Variants in STKLD1 observed in about 807,000 individuals in gnomAD.
The protein encoded by STKLD1 is serine/threonine kinase like domain containing 1, also known as serine/threonine kinase-like domain-containing protein STKLD1.
A neutral mutation model predicts 80.4 loss-of-function variants in STKLD1; 79 were observed. That is an observed-to-expected ratio of 0.98 (90% CI 0.82 to 1.19). The LOEUF (loss-of-function observed/expected upper bound fraction) is 1.19. Among genes scored for constraint, STKLD1 ranks in the 50% most tolerant of loss-of-function variants. The pLI is 0.00. For missense variants in STKLD1, 841 were observed against 856.0 expected (o/e 0.98, Z 0.22); for synonymous variants, 393 against 357.6 (o/e 1.10, Z -1.12).
intron 9 of STKLD1, among the ~76,000 whole-genome samples, chr9:133,396,627 T>C (rs914386761): frequency 6.6e-6 from 1 of 150,896 alleles, no homozygotes; most frequent in Non-Finnish European, 1.5e-5. Flanking sequence ...CATGGTGGGG[T>C]GCGCCTGTAG....
rs1838496038 is a variant in STKLD1, at chr9:133,394,185, G to A, written c.584-106G>A. On this transcript the variant is annotated intron_variant, in intron 7 of 17. Transcript: ENST00000371957. The surrounding 1 kb of genome is among the most constrained non-coding windows in gnomAD (Gnocchi z 4.9). ...GCAGGGCTTGTGTTTCAAGCTGCTT[G>A]CGGGGGGCCACCAAAGGGGATACAG... The A allele has an allele frequency of 1.3e-6, 1 of 752,572 alleles. No homozygotes were observed. The highest frequency in any genetic ancestry group is 1.7e-5 in the African/African-American group (1 of 57,948). 46.6% of individuals were successfully genotyped at this position (752,572 alleles called of 1,614,324 possible).
chr9:133,380,441 G>A (rs895140553), intron 2 of STKLD1, among the ~76,000 whole-genome samples: 3 of 152,118 alleles, frequency 2.0e-5, no homozygotes, highest in African/African-American at 7.2e-5. Flanking sequence ...ATCCCTTGAG[G>A]TCAGAAGTTT....
At chr9:133,403,505 C>T (rs1353769493) in intron 14 of STKLD1, among the ~76,000 whole-genome samples, 195 bp from the exon 15 acceptor site, 1 of 152,236 alleles carries the variant, frequency 6.6e-6, no homozygotes, top group South Asian at 2.1e-4. Flanking sequence ...AGAACCCTGC[C>T]AGCACCCAAA....
At position 133,385,733 on chromosome 9, in the gene STKLD1, T is replaced by G. The variant is rs2130275449; in HGVS notation, c.294+42T>G. 2.0e-5 allele frequency: 32 copies of G among 1,588,594 alleles called. No individual in the cohort carries two copies. The highest frequency in any genetic ancestry group is 8.6e-7 in the Non-Finnish European group (1 of 1,158,798). On this transcript the variant is annotated intron_variant, in intron 4 of 17. Coordinates refer to ENST00000371957, the MANE Select transcript of STKLD1 (RefSeq NM_153710.5). The surrounding 1 kb of genome is among the most constrained non-coding windows in gnomAD (Gnocchi z 4.9). ...ACCTACGGGCTCAGCCGCCACGCAG[T>G]GGGCTGCAGGACCAAGCAGACTGAG...
At chr9:133,404,101 G>A (rs1049322536) in intron 16 of STKLD1, 53 bp downstream of exon 16, 3 of 1,503,908 alleles carry the variant, frequency 2.0e-6, no homozygotes, top group Non-Finnish European at 2.7e-6. Flanking sequence ...GCAAGAATCA[G>A]CCCCCATCAG....
In STKLD1 at chr9:133,390,629, C is replaced by T; in HGVS notation, c.468-52C>T. On this transcript the variant is annotated intron_variant, in intron 6 of 17. Transcript: ENST00000371957. This position sits in a 1 kb window ranked among gnomAD's most constrained non-coding sequence, Gnocchi z 5.1. The stretch of plus-strand genomic sequence containing the variant: ...TCCCACCTGGGGTTGTGGGTGGTGG[C>T]TGCCCAGGTGGCCCCTTGGCATCCA... The T allele has an allele frequency of 7.2e-7, 1 of 1,397,046 alleles. No individual in the cohort carries two copies. The highest frequency in any genetic ancestry group is 1.7e-5 in the Admixed American group (1 of 59,402). The allele number at this position is 1,397,046 out of a possible 1,614,324, so 86.5% of individuals were successfully genotyped here.
chr9:133,386,165 C>T (rs2130276947), intron 4 of STKLD1, among the ~76,000 whole-genome samples: 3 of 152,310 alleles, frequency 2.0e-5, no homozygotes, highest in South Asian at 4.1e-4. Flanking sequence ...GTGATCCGCC[C>T]GCCTCGGCCT....
At chr9:133,376,672 A>G (rs2130250461) in intron 1 of STKLD1, 112 bp downstream of exon 1, 5 of 924,596 alleles carry the variant, frequency 5.4e-6, no homozygotes, top group African/African-American at 5.3e-5. Context: ...CGCCCTGGCC[A>G]GTGTCGGCCT....
rs36079470 is a variant in STKLD1, at chr9:133,403,773, G to A, written c.1548G>A (p.Ala516=). 0.066 allele frequency: 106,288 copies of A among 1,613,596 alleles called. 4,028 individuals are homozygous for A. Among genetic ancestry groups the A allele is most frequent in the Non-Finnish European group, 0.078 (91,932 of 1,179,828 alleles). Residue 516 remains alanine (A), a synonymous_variant, in exon 15 of 18, where the codon GCG becomes GCA. Transcript: ENST00000371957. The part of the protein sequence containing the change: ...LISQVLATYP[A]DGEMAEASCG... ...GCCAGGTGTTGGCCACCTACCCTGC[G>A]GATGGGGAAATGGCAGAAGCCAGCT...
intron 11 of STKLD1, among the ~76,000 whole-genome samples, chr9:133,398,833 GTTT>G (rs11289674): frequency 6.6e-6 from 1 of 151,294 alleles, no homozygotes; most frequent in Admixed American, 6.6e-5. Context: ...GGGAAAAGCA[GTTT>G]TTTTTTGTTT....
At position 133,387,565 on chromosome 9, in the gene STKLD1, C is replaced by A; in HGVS notation, c.396+17C>A. ...GACTCTGAGGTGAGGTCCTTTGGGG[C>A]ACCAGGCCTGGGGGCCACCTAGACC... On this transcript the variant is annotated intron_variant, in intron 5 of 17. Coordinates refer to ENST00000371957, the MANE Select transcript of STKLD1 (RefSeq NM_153710.5). 1 of 1,605,366 alleles carries A rather than the reference C, an allele frequency of 6.2e-7. No individual in the cohort carries two copies. Among genetic ancestry groups the A allele is most frequent in the Non-Finnish European group, 8.5e-7 (1 of 1,172,238 alleles).
chr9:133,397,938 G>A, intron 10 of STKLD1, 34 bp from the exon 11 acceptor site: 1 of 1,594,734 alleles, frequency 6.3e-7, no homozygotes, highest in Non-Finnish European at 8.6e-7. Flanking sequence ...CTGGTCCTCA[G>A]AAAGGTCCCT....
Position 133,390,257 on chromosome 9 carries a change from C to T in STKLD1, c.468-424C>T, listed in dbSNP as rs1454153206. ...CACACACACACACACACACACCACG[C>T]AGACCATACGTACAAAGGGAATGCT... On this transcript the variant is annotated intron_variant, in intron 6 of 17. Coordinates refer to ENST00000371957, the MANE Select transcript of STKLD1 (RefSeq NM_153710.5). The surrounding 1 kb of genome is among the most constrained non-coding windows in gnomAD (Gnocchi z 5.1). Among the ~76,000 whole-genome samples the T allele has an allele frequency of 6.9e-6, 1 of 145,540 alleles. No individual in the cohort carries two copies. Among genetic ancestry groups the T allele is most frequent in the East Asian group, 2.0e-4 (1 of 4,968 alleles).
chr9:133,394,156 A>G lies in STKLD1; in HGVS notation c.584-135A>G, dbSNP rs1838495267. 1.5e-6 allele frequency: 1 copy of G among 688,246 alleles called. No individual in the cohort carries two copies. Among genetic ancestry groups the G allele is most frequent in the African/African-American group, 1.8e-5 (1 of 56,260 alleles). 42.6% of individuals were successfully genotyped at this position (688,246 alleles called of 1,614,324 possible). A position where few individuals can be genotyped will look rare whatever the true frequency, so the allele number is the denominator to read the frequency against. On this transcript the variant is annotated intron_variant, in intron 7 of 17. Transcript: ENST00000371957. The surrounding 1 kb of genome is among the most constrained non-coding windows in gnomAD (Gnocchi z 4.9). The stretch of plus-strand genomic sequence containing the variant: ...ATTCTCCACCTCTTCTGAGAAGAGG[A>G]CCTGCAGGGCTTGTGTTTCAAGCTG...
In STKLD1 at chr9:133,389,594, C is replaced by A. The variant is rs2130284598; in HGVS notation, c.465C>A (p.His155Gln). 1 of 1,613,404 alleles carries A rather than the reference C, an allele frequency of 6.2e-7. No homozygotes were observed. Residue 155 changes from histidine to glutamine, a missense_variant and splice_region_variant, in exon 6 of 18, where the codon CAC becomes CAA. Coordinates refer to ENST00000371957, the MANE Select transcript of STKLD1 (RefSeq NM_153710.5). This position sits in a 1 kb window ranked among gnomAD's most constrained non-coding sequence, Gnocchi z 6.4. ...ACCTGCACCATTTGGACATCATCCA[C>A]AGGTAAGTGGGGCCCCTGACCTCTG... is the stretch of plus-strand genomic sequence containing the variant. ...LEYLHHLDII[H>Q]RNLKPSNIIL...
chr9:133,392,641 A>ATGGATGGATG (rs1262373593), intron 7 of STKLD1, among the ~76,000 whole-genome samples: 2 of 7,930 alleles, frequency 2.5e-4, no homozygotes, highest in Non-Finnish European at 5.2e-4. Flanking sequence ...ATGGATGGAT[A>ATGGATGGATG]GGTGGGTGGG....
rs2130274231 is a variant in STKLD1 at position 133,385,273 on chromosome 9, C to T, written c.220-344C>T. 1.3e-5 allele frequency among the ~76,000 whole-genome samples: 2 copies of T among 152,212 alleles called. No homozygotes were observed. Among genetic ancestry groups the T allele is most frequent in the Admixed American group, 6.5e-5 (1 of 15,286 alleles). ...CCACCTCCCGGTGTCTGCACCACCT[C>T]CTCCAGCCAGCCCTGGCTGTGGCTG... On this transcript the variant is annotated intron_variant, in intron 3 of 17. Transcript: ENST00000371957. The surrounding 1 kb of genome is among the most constrained non-coding windows in gnomAD (Gnocchi z 4.9).
chr9:133,401,987 G>C, intron 13 of STKLD1, 109 bp downstream of exon 13: 1 of 1,358,372 alleles, frequency 7.4e-7, no homozygotes, highest in Non-Finnish European at 9.9e-7. Context: ...GACAGTGCTG[G>C]GCCTCCTCCT....
At chr9:133,382,887 ATGGTGATGATGT>A (rs1252103395) in intron 2 of STKLD1, among the ~76,000 whole-genome samples, 11 of 127,174 alleles carry the variant, frequency 8.6e-5, no homozygotes, top group Admixed American at 2.3e-4. Context: ...GGTGGTAATG[ATGGTGATGATGT>A]TGGTGATGGT....
Sources: gnomAD v4.1 joint callset for allele counts (sites outside exome capture counted in the v4.1 genomes callset) on GRCh38, gnomAD v4.1.1 for gene constraint, Gnocchi (gnomAD v3.1) non-coding constraint, MANE v1.5 for transcripts, NCBI Gene and HGNC (gene_info 2026-07-23, HGNC 2026-07-21) for gene names.